SORCS1: variants seen among roughly 807,000 people sequenced by gnomAD.
The protein encoded by SORCS1 is sortilin related VPS10 domain containing receptor 1, also known as VPS10 domain-containing receptor SorCS1.
In SORCS1, 60 loss-of-function variants were observed where a neutral mutation model predicts 146.1. That is an observed-to-expected ratio of 0.41 (90% confidence interval 0.33 to 0.51). The LOEUF (loss-of-function observed/expected upper bound fraction) is 0.51, where lower values mean the gene tolerates loss of function less well. Among genes scored for constraint, SORCS1 ranks in the 20% least tolerant of loss-of-function variants. The pLI, the probability that SORCS1 is intolerant of heterozygous loss-of-function variation, is 0.21. For synonymous variants in SORCS1, 637 were observed against 584.0 expected (o/e 1.09, Z -1.31); for missense variants, 1,352 against 1,487.6 (o/e 0.91, Z 1.50).
intron 1 of SORCS1, among the ~76,000 whole-genome samples, chr10:107,101,334 C>A (rs1016813271): frequency 6.6e-6 from 1 of 152,218 alleles, no homozygotes; most frequent in Non-Finnish European, 1.5e-5. Flanking sequence ...GCGTGAGCCA[C>A]CGTGCCCGGT....
At chr10:106,948,501 C>A (rs1954485748) in intron 2 of SORCS1, among the ~76,000 whole-genome samples, 1 of 151,818 alleles carries the variant, frequency 6.6e-6, no homozygotes, top group Non-Finnish European at 1.5e-5. Context: ...GGTGAGGCCC[C>A]ATCTCTACAA....
intron 23 of SORCS1, among the ~76,000 whole-genome samples, chr10:106,601,276 A>G (rs998515797): frequency 7.9e-5 from 12 of 152,218 alleles, no homozygotes; most frequent in East Asian, 7.7e-4. Flanking sequence ...TCTGGTGAAA[A>G]GCGTGTTGTC....
chr10:107,049,470 A>C (rs1959899523), intron 1 of SORCS1, among the ~76,000 whole-genome samples: 2 of 152,012 alleles, frequency 1.3e-5, no homozygotes, highest in African/African-American at 2.4e-5. Context: ...CTGAACCCAA[A>C]ATTTCAGCCA....
intron 1 of SORCS1, among the ~76,000 whole-genome samples, chr10:107,135,877 T>C (rs1482312812): frequency 6.6e-6 from 1 of 152,184 alleles, no homozygotes; most frequent in Non-Finnish European, 1.5e-5. Context: ...AGGTGATTTC[T>C]AGAATCAAAA....
intron 1 of SORCS1, among the ~76,000 whole-genome samples, chr10:106,957,187 G>T (rs1372264503): frequency 1.1e-5 from 1 of 94,046 alleles, no homozygotes; most frequent in Non-Finnish European, 2.4e-5. Context: ...TTTTTTTTTG[G>T]AGATAGAGTT....
chr10:106,694,936 C>T (rs537009941), intron 9 of SORCS1, among the ~76,000 whole-genome samples: 12 of 152,126 alleles, frequency 7.9e-5, no homozygotes, highest in South Asian at 4.1e-4. Context: ...TATTCACTTC[C>T]CAAAGGAGAG....
At chr10:106,743,052 CTTAAT>C (rs1857469567) in intron 5 of SORCS1, among the ~76,000 whole-genome samples, 1 of 152,174 alleles carries the variant, frequency 6.6e-6, no homozygotes, top group African/African-American at 2.4e-5. Context: ...AAACACACCT[CTTAAT>C]TTATCTCATT....
chr10:107,147,933 G>T (rs973556317), intron 1 of SORCS1, among the ~76,000 whole-genome samples: 28 of 152,116 alleles, frequency 1.8e-4, no homozygotes, highest in Non-Finnish European at 2.9e-5. Context: ...CCTTCTTCTT[G>T]AAAGTGTTGG....
intron 1 of SORCS1, among the ~76,000 whole-genome samples, chr10:107,115,284 C>T (rs1965952325): frequency 6.6e-6 from 1 of 150,450 alleles, no homozygotes; most frequent in East Asian, 1.9e-4. Flanking sequence ...CTACAAAAGA[C>T]CTGAAATAGC....
intron 6 of SORCS1, among the ~76,000 whole-genome samples, chr10:106,725,559 A>AAAATAAAT (rs71025549): frequency 0.025 from 3,635 of 144,556 alleles, 134 homozygotes; most frequent in East Asian, 0.099. Flanking sequence ...CACATACACA[A>AAAATAAAT]AAATAAATAA....
intron 9 of SORCS1, among the ~76,000 whole-genome samples, chr10:106,691,207 G>C (rs992980096): frequency 6.6e-6 from 1 of 152,194 alleles, no homozygotes; most frequent in Non-Finnish European, 1.5e-5. Flanking sequence ...GGATGGGGTA[G>C]GGTGGGGTAA....
intron 1 of SORCS1, among the ~76,000 whole-genome samples, chr10:107,136,127 A>G (rs1967276467): frequency 6.6e-6 from 1 of 152,140 alleles, no homozygotes; most frequent in East Asian, 1.9e-4. Flanking sequence ...GAAAAAAAAA[A>G]TTGGGGAAGA....
chr10:106,709,807 T>C (rs1398957836), intron 6 of SORCS1, among the ~76,000 whole-genome samples: 1 of 152,188 alleles, frequency 6.6e-6, no homozygotes, highest in Non-Finnish European at 1.5e-5. Flanking sequence ...ATTGTCATTG[T>C]TATTATTATT....
At chr10:106,994,063 C>CA (rs67408221) in intron 1 of SORCS1, among the ~76,000 whole-genome samples, 15,959 of 79,620 alleles carry the variant, frequency 0.2, 1,844 homozygotes, top group East Asian at 0.39. Context: ...GACCCCATCT[C>CA]AAAAAAAAAA....
At chr10:106,996,307 C>T (rs938212202) in intron 1 of SORCS1, among the ~76,000 whole-genome samples, 1 of 149,628 alleles carries the variant, frequency 6.7e-6, no homozygotes, top group African/African-American at 2.5e-5. Context: ...TCAGGGGAGT[C>T]AACTGAGCCT....
intron 2 of SORCS1, among the ~76,000 whole-genome samples, chr10:106,868,170 A>T (rs976677827): frequency 1.3e-5 from 2 of 152,152 alleles, no homozygotes; most frequent in Non-Finnish European, 2.9e-5. Context: ...ATATATACAC[A>T]CCCAACACAG....
At chr10:107,020,541 CAT>C in intron 1 of SORCS1, among the ~76,000 whole-genome samples, 1 of 152,304 alleles carries the variant, frequency 6.6e-6, no homozygotes. Flanking sequence ...TGTGGTTAAA[CAT>C]AATCTATTAA....
chr10:106,613,114 T>C (rs1431089147), intron 21 of SORCS1, among the ~76,000 whole-genome samples: 2 of 152,220 alleles, frequency 1.3e-5, no homozygotes, highest in African/African-American at 4.8e-5. Flanking sequence ...TAATTATCAC[T>C]GTAATCATTC....
At chr10:106,814,901 C>A (rs1323068459) in intron 3 of SORCS1, among the ~76,000 whole-genome samples, 1 of 97,776 alleles carries the variant, frequency 1.0e-5, no homozygotes, top group African/African-American at 4.2e-5. Context: ...GGCGACAGAG[C>A]GAGACTCCAT....
Sources: gnomAD v4.1 joint callset for allele counts (sites outside exome capture counted in the v4.1 genomes callset) on GRCh38, gnomAD v4.1.1 for gene constraint, MANE v1.5 for transcripts, NCBI Gene and HGNC (gene_info 2026-07-23, HGNC 2026-07-21) for gene names.